NRG1: variants seen among roughly 807,000 people sequenced by gnomAD.
The protein encoded by NRG1 is pro-neuregulin-1, membrane-bound isoform.
A neutral mutation model predicts 63.8 loss-of-function variants in NRG1; 18 were observed. The observed-to-expected ratio is 0.28, with a 90% CI of 0.19 to 0.42. The LOEUF (loss-of-function observed/expected upper bound fraction) is 0.42. Ranked by LOEUF, NRG1 falls within the 10% of genes least tolerant of loss-of-function variation. The pLI is 1.00. For synonymous variants in NRG1, 302 were observed against 301.3 expected (o/e 1.00, Z -0.02); for missense variants, 762 against 814.7 (o/e 0.94, Z 0.79).
intron 1 of NRG1, among the ~76,000 whole-genome samples, chr8:31,919,801 G>A (rs983003499): frequency 1.3e-5 from 2 of 152,098 alleles, no homozygotes; most frequent in African/African-American, 2.4e-5. Context: ...CAATAAGTCT[G>A]TGTGCCCATA....
intron 1 of NRG1, among the ~76,000 whole-genome samples, chr8:31,907,025 C>G (rs1436015967): frequency 1.3e-5 from 2 of 152,112 alleles, no homozygotes; most frequent in Non-Finnish European, 2.9e-5. Context: ...CTGATCCCAA[C>G]AGAGAAACAA....
intron 1 of NRG1, among the ~76,000 whole-genome samples, chr8:31,830,355 T>TTCCC (rs1204935160): frequency 3.9e-3 from 344 of 89,248 alleles, no homozygotes; most frequent in African/African-American, 0.017. Flanking sequence ...CCTTCCTTCC[T>TTCCC]TCCTTCCCTC....
intron 1 of NRG1, among the ~76,000 whole-genome samples, chr8:32,565,559 CTT>C (rs778076803): frequency 6.6e-6 from 1 of 152,188 alleles, no homozygotes; most frequent in Non-Finnish European, 1.5e-5. Context: ...CTCATTGACT[CTT>C]CAGCTATGTG....
chr8:31,850,043 C>T (rs1563479504), intron 1 of NRG1, among the ~76,000 whole-genome samples: 1 of 151,876 alleles, frequency 6.6e-6, no homozygotes, highest in Non-Finnish European at 1.5e-5. Context: ...CAAATGTTAC[C>T]CTCATAACAG....
At chr8:32,168,933 C>T (rs10093107) in intron 1 of NRG1, among the ~76,000 whole-genome samples, 67,890 of 151,978 alleles carry the variant, frequency 0.45, 16,971 homozygotes, top group Admixed American at 0.57. Context: ...TTCATCTTCC[C>T]CAAATGATGT....
At chr8:32,668,422 G>T (rs375671509) in intron 5 of NRG1, among the ~76,000 whole-genome samples, 9 of 152,202 alleles carry the variant, frequency 5.9e-5, no homozygotes, top group East Asian at 3.9e-4. Context: ...TATGAGTGTA[G>T]GTTATTGAAG....
intron 1 of NRG1, among the ~76,000 whole-genome samples, chr8:32,253,284 T>C (rs144733838): frequency 6.6e-6 from 1 of 150,984 alleles, no homozygotes; most frequent in Non-Finnish European, 1.5e-5. Flanking sequence ...AGTTTTCAAA[T>C]GCTTCCTGTT....
At chr8:31,779,536 A>G (rs979746131) in intron 1 of NRG1, among the ~76,000 whole-genome samples, 2 of 152,172 alleles carry the variant, frequency 1.3e-5, no homozygotes, top group Admixed American at 6.5e-5. Context: ...TTGAGCCAAA[A>G]TTTCCACTGT....
At chr8:32,367,792 T>G (rs1482280002) in intron 1 of NRG1, among the ~76,000 whole-genome samples, 1 of 152,206 alleles carries the variant, frequency 6.6e-6, no homozygotes, top group African/African-American at 2.4e-5. Flanking sequence ...TTCTGTAGCT[T>G]TATAGTTTCA....
At chr8:32,007,776 G>A (rs1046729992) in intron 1 of NRG1, among the ~76,000 whole-genome samples, 4 of 151,892 alleles carry the variant, frequency 2.6e-5, no homozygotes, top group African/African-American at 9.7e-5. Context: ...TACCAGCTGG[G>A]ATATCTATGA....
chr8:32,474,001 T>C (rs1456278918), intron 1 of NRG1, among the ~76,000 whole-genome samples: 2 of 152,152 alleles, frequency 1.3e-5, no homozygotes, highest in Non-Finnish European at 2.9e-5. Flanking sequence ...TTACATGTTT[T>C]CTCTTGGCAT....
chr8:32,460,156 G>A (rs1388087576), intron 1 of NRG1, among the ~76,000 whole-genome samples: 1 of 152,230 alleles, frequency 6.6e-6, no homozygotes, highest in African/African-American at 2.4e-5. Flanking sequence ...GCACACAGAT[G>A]TTACTTAATA....
intron 1 of NRG1, among the ~76,000 whole-genome samples, chr8:32,074,834 A>G (rs1355145378): frequency 3.3e-5 from 5 of 152,218 alleles, no homozygotes; most frequent in African/African-American, 1.2e-4. Flanking sequence ...ATTATGAACA[A>G]ACTGTTGTTT....
chr8:31,678,521 A>G (rs865865893), intron 1 of NRG1, among the ~76,000 whole-genome samples: 3 of 151,472 alleles, frequency 2.0e-5, no homozygotes, highest in Admixed American at 2.0e-4. Context: ...CTCTTTACCT[A>G]TTTGTTTCTA....
At chr8:32,740,337 A>G (rs1458621520) in intron 6 of NRG1, among the ~76,000 whole-genome samples, 1 of 151,810 alleles carries the variant, frequency 6.6e-6, no homozygotes, top group East Asian at 1.9e-4. Context: ...CTGGGATTAC[A>G]GGCGCCCGCC....
chr8:31,843,838 AT>A (rs1826424515), intron 1 of NRG1, among the ~76,000 whole-genome samples: 1 of 152,130 alleles, frequency 6.6e-6, no homozygotes, highest in African/African-American at 2.4e-5. Context: ...AAAAAGGTTC[AT>A]TTTTGTTTGA....
chr8:31,990,619 A>G (rs1468592509), intron 1 of NRG1, among the ~76,000 whole-genome samples: 1 of 152,136 alleles, frequency 6.6e-6, no homozygotes, highest in Non-Finnish European at 1.5e-5. Flanking sequence ...TGACATATTT[A>G]AAAGAAGGCA....
chr8:31,930,957 G>A (rs1454859471), intron 1 of NRG1, among the ~76,000 whole-genome samples: 1 of 152,042 alleles, frequency 6.6e-6, no homozygotes, highest in Non-Finnish European at 1.5e-5. Context: ...TCAATTGTTG[G>A]TTCCTGCTTA....
At chr8:31,894,550 T>C (rs112098384) in intron 1 of NRG1, among the ~76,000 whole-genome samples, 34,550 of 133,750 alleles carry the variant, frequency 0.26, 5,579 homozygotes, top group East Asian at 0.7. Context: ...TTCTTTCTTT[T>C]TTCTTTTTTT....
Sources: gnomAD v4.1 joint callset for allele counts (sites outside exome capture counted in the v4.1 genomes callset) on GRCh38, gnomAD v4.1.1 for gene constraint, MANE v1.5 for transcripts, NCBI Gene and HGNC (gene_info 2026-07-23, HGNC 2026-07-21) for gene names.